NBAS: variants seen among roughly 807,000 people sequenced by gnomAD.
NBAS encodes NBAS subunit of NRZ tethering complex, also known as NAG/BC035112 fusion.
In NBAS, 219 loss-of-function variants were observed where a neutral mutation model predicts 302.5. That is an observed-to-expected ratio of 0.72 (90% confidence interval 0.65 to 0.81). The LOEUF (loss-of-function observed/expected upper bound fraction) is 0.81. NBAS is among the 30% of genes least tolerant of loss of function. The pLI is 0.00. For missense variants in NBAS, 2,932 were observed against 2,841.6 expected (o/e 1.03, Z -0.72); for synonymous variants, 1,118 against 1,021.6 (o/e 1.09, Z -1.80).
At chr2:15,416,083 AACAGAGAGAG>A (rs1438310840) in intron 24 of NBAS, among the ~76,000 whole-genome samples, 1 of 150,100 alleles carries the variant, frequency 6.7e-6, no homozygotes, top group African/African-American at 2.5e-5. Flanking sequence ...CATACGCAAA[AACAGAGAGAG>A]AGAGAGAGAG....
chr2:15,400,588 C>T (rs1360617481), intron 26 of NBAS, among the ~76,000 whole-genome samples: 1 of 152,088 alleles, frequency 6.6e-6, no homozygotes, highest in Non-Finnish European at 1.5e-5. Context: ...AAGGAAAAAC[C>T]TACCAGTGAA....
chr2:15,229,361 A>AC (rs1266449642), intron 47 of NBAS, among the ~76,000 whole-genome samples: 2 of 147,418 alleles, frequency 1.4e-5, no homozygotes, highest in African/African-American at 5.2e-5. Context: ...AAAAAAAAAA[A>AC]AAAAAAAAAA....
intron 35 of NBAS, among the ~76,000 whole-genome samples, chr2:15,338,913 T>C (rs1445591885): frequency 6.6e-6 from 1 of 152,114 alleles, no homozygotes; most frequent in Non-Finnish European, 1.5e-5. Flanking sequence ...CTTGGGGGGC[T>C]GAGGCAGAAG....
chr2:14,866,742 C>T, the NBAS span, among the ~76,000 whole-genome samples: 3 of 152,300 alleles, frequency 2.0e-5, no homozygotes, highest in Non-Finnish European at 2.9e-5. Flanking sequence ...CAGGATCTTA[C>T]TCTTGAGACA....
chr2:15,484,677 T>C (rs994016987), intron 12 of NBAS, among the ~76,000 whole-genome samples: 1 of 152,200 alleles, frequency 6.6e-6, no homozygotes, highest in Non-Finnish European at 1.5e-5. Flanking sequence ...CTGACCTACA[T>C]GCCTTTCCTG....
chr2:14,859,929 C>T, the NBAS span, among the ~76,000 whole-genome samples: 1 of 151,762 alleles, frequency 6.6e-6, no homozygotes, highest in African/African-American at 2.4e-5. Flanking sequence ...TGAACGGTCC[C>T]CATCTGATAA....
chr2:14,831,027 T>A, the NBAS span, among the ~76,000 whole-genome samples: 1 of 152,156 alleles, frequency 6.6e-6, no homozygotes, highest in Admixed American at 6.5e-5. Context: ...GCCCACGGCC[T>A]GGAAGCCACC....
At chr2:15,049,772 C>T in the NBAS span, among the ~76,000 whole-genome samples, 3,894 of 152,284 alleles carry the variant, frequency 0.026, 185 homozygotes, top group African/African-American at 0.086. Flanking sequence ...AGGCCAGCCA[C>T]GCACCCTGCC....
At chr2:15,375,887 T>C (rs960408262) in intron 30 of NBAS, among the ~76,000 whole-genome samples, 2 of 151,642 alleles carry the variant, frequency 1.3e-5, no homozygotes, top group Admixed American at 1.3e-4. Context: ...TGTACTCACA[T>C]GAAAAAACCT....
At chr2:14,817,256 A>G in the NBAS span, among the ~76,000 whole-genome samples, 2 of 152,302 alleles carry the variant, frequency 1.3e-5, no homozygotes, top group South Asian at 4.1e-4. Flanking sequence ...TGGAGTATTC[A>G]CTATTCAGTA....
intron 34 of NBAS, among the ~76,000 whole-genome samples, 161 bp downstream of exon 34, chr2:15,353,392 T>A (rs1182209035): frequency 1.3e-5 from 2 of 152,194 alleles, no homozygotes; most frequent in Non-Finnish European, 1.5e-5. Context: ...TTATGTTATA[T>A]CCTAATATTT....
At chr2:15,237,454 A>C (rs1279987244) in intron 45 of NBAS, among the ~76,000 whole-genome samples, 1 of 152,116 alleles carries the variant, frequency 6.6e-6, no homozygotes, top group Non-Finnish European at 1.5e-5. Flanking sequence ...GGAAACATGC[A>C]ACATAAAAAC....
the NBAS span, among the ~76,000 whole-genome samples, chr2:15,115,734 A>G: frequency 6.6e-6 from 1 of 151,802 alleles, no homozygotes; most frequent in Non-Finnish European, 1.5e-5. Flanking sequence ...CATGTTTTTG[A>G]ACTCCTGGAC....
the NBAS span, among the ~76,000 whole-genome samples, chr2:14,936,252 A>G: frequency 1.3e-5 from 2 of 152,244 alleles, no homozygotes; most frequent in African/African-American, 4.8e-5. Context: ...TACTTTCCCT[A>G]TAAAGATGAA....
chr2:15,120,648 T>C, the NBAS span, among the ~76,000 whole-genome samples: 1 of 152,334 alleles, frequency 6.6e-6, no homozygotes, highest in Non-Finnish European at 1.5e-5. Flanking sequence ...GGCCCCAGCT[T>C]ATTCTCTTTT....
the NBAS span, among the ~76,000 whole-genome samples, chr2:15,057,699 A>C: frequency 6.6e-6 from 1 of 152,190 alleles, no homozygotes; most frequent in African/African-American, 2.4e-5. Flanking sequence ...TTCCTGAGTT[A>C]CTTCACTTAG....
At chr2:14,896,640 C>A in the NBAS span, among the ~76,000 whole-genome samples, 1 of 152,018 alleles carries the variant, frequency 6.6e-6, no homozygotes, top group African/African-American at 2.4e-5. Context: ...ACCAGGAGCA[C>A]TGACTGTACA....
At position 15,317,423 on chromosome 2, in the gene NBAS, T is replaced by C. The variant is rs537642833; in HGVS notation, c.4583-8176A>G. Reference sequence around the variant, plus strand: ...TTTTGACAAGTTAACAGAAGTAAGCTTCAGAAGGTCGGTAATAACAAACTT... The same window carrying C: ...TTTTGACAAGTTAACAGAAGTAAGCCTCAGAAGGTCGGTAATAACAAACTT... On this transcript the variant is annotated intron_variant, in intron 38 of 51. Transcript: ENST00000281513. 4.6e-5 allele frequency among the ~76,000 whole-genome samples: 7 copies of C among 152,314 alleles called. No homozygotes were observed. The South Asian group carries it at 1.4e-3, about 32-fold the overall frequency.
chr2:14,949,273 G>A, the NBAS span, among the ~76,000 whole-genome samples: 2 of 152,144 alleles, frequency 1.3e-5, no homozygotes, highest in Non-Finnish European at 2.9e-5. Flanking sequence ...CTTCTGCACA[G>A]CAAAGCAAAC....
Sources: gnomAD v4.1 joint callset for allele counts (sites outside exome capture counted in the v4.1 genomes callset) on GRCh38, gnomAD v4.1.1 for gene constraint, MANE v1.5 for transcripts, NCBI Gene and HGNC (gene_info 2026-07-23, HGNC 2026-07-21) for gene names.